ABLIM2: variants seen among roughly 807,000 people sequenced by gnomAD.
ABLIM2 encodes the protein actin-binding LIM protein 2.
A neutral mutation model predicts 97.7 loss-of-function variants in ABLIM2; 53 were observed. That is an observed-to-expected ratio of 0.54 (90% CI 0.44 to 0.68). The LOEUF is 0.68. Ranked by LOEUF, ABLIM2 falls within the 30% of genes least tolerant of loss-of-function variation. The pLI is 0.00. For synonymous variants in ABLIM2, 361 were observed against 345.8 expected (o/e 1.04, Z -0.49); for missense variants, 835 against 867.2 (o/e 0.96, Z 0.47).
chr4:8,072,963 C>T lies in ABLIM2; in HGVS notation c.675+4665G>A, dbSNP rs780103665. Reference sequence around the variant, plus strand: ...GATCTGCAGAAGAGCAGGGAGAGTACAGGTGGAGGAGCACAGAGAGGGTCT... The same window carrying T: ...GATCTGCAGAAGAGCAGGGAGAGTATAGGTGGAGGAGCACAGAGAGGGTCT... On this transcript the variant is annotated intron_variant, in intron 6 of 20. Coordinates refer to ENST00000447017, the MANE Select transcript of ABLIM2 (RefSeq NM_001130083.2). This position sits in a 1 kb window ranked among gnomAD's most constrained non-coding sequence, Gnocchi z 5.8. Among the ~76,000 whole-genome samples, 3 of 152,072 alleles carry T rather than the reference C, an allele frequency of 2.0e-5. No homozygotes were observed. Among genetic ancestry groups the T allele is most frequent in the Non-Finnish European group, 2.9e-5 (2 of 68,026 alleles).
rs901812119 is a variant in ABLIM2 at position 8,071,972 on chromosome 4, G to A, written c.675+5656C>T. 19 of 985,334 alleles carry A rather than the reference G, an allele frequency of 1.9e-5. No individual in the cohort carries two copies. The highest frequency in any genetic ancestry group is 1.1e-4 in the East Asian group (1 of 8,798). The allele number at this position is 985,334 out of a possible 1,614,324, so 61.0% of individuals were successfully genotyped here. A position where few individuals can be genotyped will look rare whatever the true frequency, so the allele number is the denominator to read the frequency against. ...CATCAGGCAGTGCCACCGCGGCGGC[G>A]GCAGCTCCCCTTCTGCGGAGCCAGG... On this transcript the variant is annotated intron_variant, in intron 6 of 20. Transcript: ENST00000447017. The surrounding 1 kb of genome is among the most constrained non-coding windows in gnomAD (Gnocchi z 6.2).
chr4:8,013,926 C>A (rs921896726), intron 14 of ABLIM2, among the ~76,000 whole-genome samples: 4 of 152,180 alleles, frequency 2.6e-5, no homozygotes, highest in African/African-American at 9.7e-5. Context: ...CAAGAGAGGG[C>A]CCTACCAGCT....
chr4:8,031,613 C>A (rs528025748), intron 10 of ABLIM2, among the ~76,000 whole-genome samples: 2 of 152,272 alleles, frequency 1.3e-5, no homozygotes, highest in East Asian at 3.9e-4. Flanking sequence ...CCTCATAGTG[C>A]GTGACCCTGG....
intron 5 of ABLIM2, 98 bp downstream of exon 5, chr4:8,080,578 C>A: frequency 7.4e-7 from 1 of 1,344,484 alleles, no homozygotes; most frequent in South Asian, 1.7e-5. Flanking sequence ...AGGAGAGACA[C>A]AGAGAGGGTG....
chr4:8,153,289 G>C (rs1320955843), intron 1 of ABLIM2, among the ~76,000 whole-genome samples: 1 of 152,186 alleles, frequency 6.6e-6, no homozygotes, highest in African/African-American at 2.4e-5. Flanking sequence ...AACTTTCCAA[G>C]AGTTCATCAA....
intron 18 of ABLIM2, 37 bp downstream of exon 18, chr4:7,984,802 C>G (rs750458331): frequency 6.4e-7 from 1 of 1,557,454 alleles, no homozygotes; most frequent in Non-Finnish European, 8.7e-7. Flanking sequence ...CGACCCCTGC[C>G]CCAGCCAGAG....
At position 8,001,079 on chromosome 4, in the gene ABLIM2, C is replaced by T. The variant is rs762652706; in HGVS notation, c.1618+6980G>A. On this transcript the variant is annotated intron_variant, in intron 16 of 20. Coordinates refer to ENST00000447017, the MANE Select transcript of ABLIM2 (RefSeq NM_001130083.2). This position sits in a 1 kb window ranked among gnomAD's most constrained non-coding sequence, Gnocchi z 4.2. ...GAGGTTTGGAGGCTGTGGCACTGCA[C>T]AGGTTCGGGTCCCCTCTCTGAGCCT... is the stretch of plus-strand genomic sequence containing the variant. Among the ~76,000 whole-genome samples the T allele has an allele frequency of 1.4e-4, 22 of 152,212 alleles. No individual in the cohort carries two copies. The highest frequency in any genetic ancestry group is 2.9e-4 in the Non-Finnish European group (20 of 68,038).
chr4:7,983,750 G>A (rs571077823), intron 18 of ABLIM2, among the ~76,000 whole-genome samples, 196 bp from the exon 19 acceptor site: 2 of 151,888 alleles, frequency 1.3e-5, no homozygotes, highest in African/African-American at 4.9e-5. Flanking sequence ...GGCCTCCCCC[G>A]GGAAACCAGA....
At position 8,150,907 on chromosome 4, in the gene ABLIM2, C is replaced by A. The variant is rs141948062; in HGVS notation, c.10+7773G>T. Among the ~76,000 whole-genome samples, 6 of 152,090 alleles carry A rather than the reference C, an allele frequency of 3.9e-5. No homozygotes were observed. The highest frequency in any genetic ancestry group is 1.4e-4 in the African/African-American group (6 of 41,410). On this transcript the variant is annotated intron_variant, in intron 1 of 20. Transcript: ENST00000447017. This position sits in a 1 kb window ranked among gnomAD's most constrained non-coding sequence, Gnocchi z 6.3. Reference sequence around the variant, plus strand: ...GCTGATGATGCCAAAGCGGCTCCCACGGGGCACGACGTCAGGTTTGTCCCT... The same window carrying A: ...GCTGATGATGCCAAAGCGGCTCCCAAGGGGCACGACGTCAGGTTTGTCCCT...
At chr4:8,078,324 G>T (rs566934773) in intron 5 of ABLIM2, among the ~76,000 whole-genome samples, 15 of 152,244 alleles carry the variant, frequency 9.9e-5, no homozygotes, top group Non-Finnish European at 2.1e-4. Flanking sequence ...GCACGTATGC[G>T]TCCATCCCCT....
intron 6 of ABLIM2, among the ~76,000 whole-genome samples, chr4:8,062,665 T>A (rs1289261632): frequency 6.6e-6 from 1 of 152,086 alleles, no homozygotes; most frequent in Non-Finnish European, 1.5e-5. Flanking sequence ...GGTCTCGATC[T>A]CCTGACCTCG....
At position 7,984,902 on chromosome 4, in the gene ABLIM2, G is replaced by A; in HGVS notation, c.1681-9C>T. On this transcript the variant is annotated splice_polypyrimidine_tract_variant and intron_variant, in intron 17 of 20. Transcript: ENST00000447017. Reference sequence around the variant, plus strand: ...GGGGCCAGATTGGCATTCTGGAAGAGAAAGAGAGGTTGGGCGGCAAGAGAC... The same window carrying A: ...GGGGCCAGATTGGCATTCTGGAAGAAAAAGAGAGGTTGGGCGGCAAGAGAC... 1 of 1,608,516 alleles carries A rather than the reference G, an allele frequency of 6.2e-7. No homozygotes were observed. Among genetic ancestry groups the A allele is most frequent in the Non-Finnish European group, 8.5e-7 (1 of 1,177,812 alleles).
chr4:8,112,798 C>T lies in ABLIM2; in HGVS notation c.11-6161G>A, dbSNP rs17181205. On this transcript the variant is annotated intron_variant, in intron 1 of 20. Coordinates refer to ENST00000447017, the MANE Select transcript of ABLIM2 (RefSeq NM_001130083.2). This position sits in a 1 kb window ranked among gnomAD's most constrained non-coding sequence, Gnocchi z 4.2. The stretch of plus-strand genomic sequence containing the variant: ...ATGCCAAGGCTAGGAGATGGTCACA[C>T]GGCTAAGAGACTGAGGCCCAGCTCA... Among the ~76,000 whole-genome samples the T allele has an allele frequency of 0.21, 31,871 of 152,116 alleles. 3,580 individuals carry two copies. Among genetic ancestry groups the T allele is most frequent in the Non-Finnish European group, 0.24 (16,041 of 67,968 alleles).
rs147103749 is a variant in ABLIM2, at chr4:8,090,559, A to G, written c.339-2275T>C. 3.2e-4 allele frequency among the ~76,000 whole-genome samples: 49 copies of G among 150,852 alleles called. No homozygotes were observed. The East Asian group carries it at 9.1e-3, about 28-fold the overall frequency. Reference sequence around the variant, plus strand: ...TAACTGCCACCACCACAGTCATGATATGGAACATTCTTTCCACTGCAAAAA... The same window carrying G: ...TAACTGCCACCACCACAGTCATGATGTGGAACATTCTTTCCACTGCAAAAA... On this transcript the variant is annotated intron_variant, in intron 3 of 20. Coordinates refer to ENST00000447017, the MANE Select transcript of ABLIM2 (RefSeq NM_001130083.2).
In ABLIM2 at chr4:8,091,449, T is replaced by C. The variant is rs1443307726; in HGVS notation, c.339-3165A>G. Among the ~76,000 whole-genome samples, 3 of 46,456 alleles carry C rather than the reference T, an allele frequency of 6.5e-5. 1 individual carries two copies. Among genetic ancestry groups the C allele is most frequent in the African/African-American group, 2.2e-4 (3 of 13,608 alleles). The allele number at this position is 46,456 out of a possible 152,430, so 30.5% of individuals were successfully genotyped here. A position where few individuals can be genotyped will look rare whatever the true frequency, so the allele number is the denominator to read the frequency against. On this transcript the variant is annotated intron_variant, in intron 3 of 20. Transcript: ENST00000447017. ...ATTATATATAATTAATTATGTATTATATATAATTATATAATTATATATAAT... is the reference window on the plus strand; with the variant it reads ...ATTATATATAATTAATTATGTATTACATATAATTATATAATTATATATAAT...
Position 8,054,669 on chromosome 4 carries a change from A to C in ABLIM2, c.764-423T>G, listed in dbSNP as rs1797979671. ...GGGCAATGGCTGGGCCCACCTGCAGAGACAGCTGGTGCTGCAACCTGGGTG... is the reference window on the plus strand; with the variant it reads ...GGGCAATGGCTGGGCCCACCTGCAGCGACAGCTGGTGCTGCAACCTGGGTG... On this transcript the variant is annotated intron_variant, in intron 7 of 20. Coordinates refer to ENST00000447017, the MANE Select transcript of ABLIM2 (RefSeq NM_001130083.2). This position sits in a 1 kb window ranked among gnomAD's most constrained non-coding sequence, Gnocchi z 4.9. 2.0e-5 allele frequency among the ~76,000 whole-genome samples: 3 copies of C among 152,230 alleles called. No individual in the cohort carries two copies. Among genetic ancestry groups the C allele is most frequent in the Admixed American group, 6.5e-5 (1 of 15,278 alleles).
In ABLIM2 at chr4:8,120,042, A is replaced by T. The variant is rs1844610355; in HGVS notation, c.11-13405T>A. On this transcript the variant is annotated intron_variant, in intron 1 of 20. Coordinates refer to ENST00000447017, the MANE Select transcript of ABLIM2 (RefSeq NM_001130083.2). This position sits in a 1 kb window ranked among gnomAD's most constrained non-coding sequence, Gnocchi z 5.6. The stretch of plus-strand genomic sequence containing the variant: ...GACAAAGTCACTCTTGGCCACAAAT[A>T]GGCTCTGTTCACAGAGCGACAGGCA... Among the ~76,000 whole-genome samples, 1 of 152,172 alleles carries T rather than the reference A, an allele frequency of 6.6e-6. No individual in the cohort carries two copies. The highest frequency in any genetic ancestry group is 2.1e-4 in the South Asian group (1 of 4,824).
intron 4 of ABLIM2, among the ~76,000 whole-genome samples, chr4:8,081,268 T>C (rs957579932): frequency 2.0e-5 from 3 of 152,168 alleles, no homozygotes; most frequent in Non-Finnish European, 4.4e-5. Flanking sequence ...CCTTCTCTCT[T>C]TCTGCCATCC....
chr4:7,994,748 T>C (rs1751923255), intron 16 of ABLIM2, among the ~76,000 whole-genome samples: 1 of 116,562 alleles, frequency 8.6e-6, no homozygotes, highest in African/African-American at 2.7e-5. Context: ...CTCCGCATCC[T>C]CTCCAGCACC....
Sources: gnomAD v4.1 joint callset for allele counts (sites outside exome capture counted in the v4.1 genomes callset) on GRCh38, gnomAD v4.1.1 for gene constraint, Gnocchi (gnomAD v3.1) non-coding constraint, MANE v1.5 for transcripts, NCBI Gene and HGNC (gene_info 2026-07-23, HGNC 2026-07-21) for gene names.